Variants in SLIT3 observed in about 807,000 individuals in gnomAD.
SLIT3 encodes the protein slit guidance ligand 3.
In SLIT3, 68 loss-of-function variants were observed where a neutral mutation model predicts 184.0. The observed-to-expected ratio is 0.37, with a 90% CI of 0.30 to 0.45. The LOEUF is 0.45. Ranked by LOEUF, SLIT3 falls within the 20% of genes least tolerant of loss-of-function variation. The pLI is 1.00. For missense variants in SLIT3, 1,707 were observed against 2,026.0 expected, an observed-to-expected ratio of 0.84 and a Z score of 3.02; for synonymous variants, 831 against 828.6, an observed-to-expected ratio of 1.00 and a Z score of -0.05.
At chr5:168,772,422 A>G (rs968172721) in intron 14 of SLIT3, 3 of 271,718 alleles carry the variant, frequency 1.1e-5, no homozygotes, top group African/African-American at 6.8e-5. Context: ...TGGGGAGCAC[A>G]CTTTGGAAAC....
At chr5:168,895,948 A>G (rs930195945) in intron 4 of SLIT3, among the ~76,000 whole-genome samples, 1 of 152,216 alleles carries the variant, frequency 6.6e-6, no homozygotes, top group Admixed American at 6.5e-5. Flanking sequence ...TTCATTAGTG[A>G]CAAATGTGAG....
chr5:168,680,001 A>G (rs1228020322), intron 32 of SLIT3, among the ~76,000 whole-genome samples: 1 of 152,232 alleles, frequency 6.6e-6, no homozygotes, highest in African/African-American at 2.4e-5. Context: ...GTGTTTTAAA[A>G]TGGCCAACAC....
At chr5:168,675,090 C>T (rs557336680) in intron 32 of SLIT3, among the ~76,000 whole-genome samples, 18 of 152,248 alleles carry the variant, frequency 1.2e-4, no homozygotes, top group Admixed American at 2.0e-4. Context: ...CCACCCTCGG[C>T]GGGGGCTGGG....
In SLIT3 at chr5:168,693,832, C is replaced by T. The variant is rs531771362; in HGVS notation, c.3083-1132G>A. Among the ~76,000 whole-genome samples, 27 of 152,258 alleles carry T rather than the reference C, an allele frequency of 1.8e-4. 1 individual carries two copies. The South Asian group carries it at 5.6e-3, about 32-fold the overall frequency. On this transcript the variant is annotated intron_variant, in intron 28 of 35. Coordinates refer to ENST00000519560, the MANE Select transcript of SLIT3 (RefSeq NM_003062.4). ...TCCTGGGAGGGAGCACTGAACCCCT[C>T]CCTCTCCAAATTTTGCCTTCAGCCT...
intron 12 of SLIT3, among the ~76,000 whole-genome samples, chr5:168,782,280 A>G (rs1756003477): frequency 1.3e-5 from 2 of 152,136 alleles, no homozygotes. Context: ...AAAAGCTTCC[A>G]CCTCAAATGA....
chr5:169,137,094 G>A (rs1055426238), intron 4 of SLIT3, among the ~76,000 whole-genome samples: 2 of 152,002 alleles, frequency 1.3e-5, no homozygotes, highest in Admixed American at 1.3e-4. Flanking sequence ...CTTAAATCTG[G>A]ACTTCCCGAC....
intron 1 of SLIT3, among the ~76,000 whole-genome samples, chr5:169,280,909 C>G (rs1393674442): frequency 6.6e-6 from 1 of 152,092 alleles, no homozygotes; most frequent in Non-Finnish European, 1.5e-5. Flanking sequence ...AAACGAACCA[C>G]AAATACAATA....
chr5:169,071,198 C>T (rs1320312503), intron 4 of SLIT3, among the ~76,000 whole-genome samples: 1 of 152,202 alleles, frequency 6.6e-6, no homozygotes, highest in African/African-American at 2.4e-5. Context: ...ACGATCAAAA[C>T]ACCTTTTTAC....
chr5:169,229,602 A>G (rs1764925135), intron 3 of SLIT3, among the ~76,000 whole-genome samples: 1 of 152,030 alleles, frequency 6.6e-6, no homozygotes, highest in Non-Finnish European at 1.5e-5. Context: ...GACTAAAGCC[A>G]ATGAGTAAAA....
chr5:169,203,649 G>C (rs1203217258), intron 3 of SLIT3, among the ~76,000 whole-genome samples: 1 of 152,152 alleles, frequency 6.6e-6, no homozygotes, highest in African/African-American at 2.4e-5. Flanking sequence ...CCTTCTCTGG[G>C]AATGCTCTTT....
At chr5:169,070,767 T>C (rs1489696533) in intron 4 of SLIT3, among the ~76,000 whole-genome samples, 2 of 146,484 alleles carry the variant, frequency 1.4e-5, no homozygotes, top group Non-Finnish European at 3.0e-5. Context: ...TCTACCAACA[T>C]TTGCCTAGAC....
chr5:169,197,295 C>T (rs1396986350), intron 3 of SLIT3, among the ~76,000 whole-genome samples: 3 of 152,124 alleles, frequency 2.0e-5, no homozygotes, highest in Non-Finnish European at 2.9e-5. Flanking sequence ...GAGCAGGTCG[C>T]CTGCTGGTTC....
intron 23 of SLIT3, chr5:168,718,286 A>T (rs1341574758): frequency 6.6e-6 from 1 of 152,074 alleles, no homozygotes; most frequent in Admixed American, 6.5e-5. Flanking sequence ...GCAGTGATGA[A>T]CAGCCCCGTG....
At chr5:168,985,204 C>A (rs1399182978) in intron 4 of SLIT3, among the ~76,000 whole-genome samples, 3 of 152,142 alleles carry the variant, frequency 2.0e-5, no homozygotes, top group Admixed American at 6.5e-5. Context: ...TTAAACTGAA[C>A]CTAAAGATCG....
In SLIT3 at chr5:169,213,268, C is replaced by T. The variant is rs527780728; in HGVS notation, c.342-19718G>A. ...ATACAACTTACAAGGGTTGTGAAGG[C>T]CCTCTTCAAGGAGAACCAGAAACCA... On this transcript the variant is annotated intron_variant, in intron 3 of 35. Coordinates refer to ENST00000519560, the MANE Select transcript of SLIT3 (RefSeq NM_003062.4). Among the ~76,000 whole-genome samples the T allele has an allele frequency of 8.4e-4, 113 of 134,434 alleles. 1 individual carries two copies. The Middle Eastern group carries it at 0.018, about 21-fold the overall frequency. The allele number at this position is 134,434 out of a possible 152,430, so 88.2% of individuals were successfully genotyped here.
Position 168,685,731 on chromosome 5 carries a change from GTTC to G in SLIT3, c.3508_3510del (p.Glu1170del). The G allele has an allele frequency of 6.3e-7, 1 of 1,589,420 alleles. No homozygotes were observed. The highest frequency in any genetic ancestry group is 8.6e-7 in the Non-Finnish European group (1 of 1,165,022). On this transcript the variant is annotated inframe_deletion, in exon 31 of 36. Coordinates refer to ENST00000519560, the MANE Select transcript of SLIT3 (RefSeq NM_003062.4). ...TGGGGTCGGACCTTGGCGGAGGCCA[GTTC>G]CACGTAGGAGTCTTTGCCCACGAAG... is the stretch of plus-strand genomic sequence containing the variant.
intron 4 of SLIT3, among the ~76,000 whole-genome samples, chr5:169,101,395 C>G (rs114513159): frequency 0.01 from 1,523 of 152,252 alleles, 40 homozygotes; most frequent in African/African-American, 0.034. Flanking sequence ...GGGAGAGGTC[C>G]CCAGTCTCAT....
At chr5:168,868,525 G>A (rs1485415892) in intron 5 of SLIT3, among the ~76,000 whole-genome samples, 3 of 152,022 alleles carry the variant, frequency 2.0e-5, no homozygotes, top group Admixed American at 6.6e-5. Flanking sequence ...CAAAGGGGGC[G>A]GATCACGAGG....
At chr5:169,164,989 C>A (rs1308149395) in intron 4 of SLIT3, among the ~76,000 whole-genome samples, 1 of 152,196 alleles carries the variant, frequency 6.6e-6, no homozygotes, top group Non-Finnish European at 1.5e-5. Context: ...CCTAGATTTC[C>A]TCATCTTTCA....
Sources: gnomAD v4.1 joint callset for allele counts (sites outside exome capture counted in the v4.1 genomes callset) on GRCh38, gnomAD v4.1.1 for gene constraint, MANE v1.5 for transcripts, NCBI Gene and HGNC (gene_info 2026-07-23, HGNC 2026-07-21) for gene names.